The following ANKS1A variants were observed in gnomAD, a reference collection of about 807,000 sequenced individuals.
ANKS1A encodes the protein ankyrin repeat and sterile alpha motif domain containing 1A.
Under a neutral mutation model 120.3 loss-of-function variants are expected in ANKS1A, and 55 were observed. The observed-to-expected ratio is 0.46, with a 90% CI of 0.37 to 0.57. The LOEUF (loss-of-function observed/expected upper bound fraction) is 0.57, where lower values mean the gene tolerates loss of function less well. Among genes scored for constraint, ANKS1A ranks in the 20% least tolerant of loss-of-function variants. The pLI is 0.00. For synonymous variants in ANKS1A, 590 were observed against 604.7 expected (o/e 0.98, Z 0.36); for missense variants, 1,123 against 1,480.3 (o/e 0.76, Z 3.96).
intron 1 of ANKS1A, among the ~76,000 whole-genome samples, chr6:34,935,462 T>A (rs1290744536): frequency 6.6e-6 from 1 of 152,242 alleles, no homozygotes; most frequent in Non-Finnish European, 1.5e-5. Flanking sequence ...TAAAAATTGC[T>A]GATATGAGAT....
In ANKS1A at chr6:35,080,998, A is replaced by C. The variant is rs766044874; in HGVS notation, c.2549A>C (p.Gln850Pro). The change falls in exon 17 of 24, where the codon CAA becomes CCA. Residue 850 changes from glutamine to proline, a missense_variant. Coordinates refer to ENST00000360359, the MANE Select transcript of ANKS1A (RefSeq NM_015245.3). ...KPPRFSQLRC[Q>P]DLLSQTSSPL... ...CCTGGATTTTTCCCTCCACAGTGCC[A>C]AGATTTGCTCTCCCAGACGTCATCC... is the stretch of plus-strand genomic sequence containing the variant. 54 of 1,612,928 alleles carry C rather than the reference A, an allele frequency of 3.3e-5. 1 individual carries two copies. The highest frequency in any genetic ancestry group is 4.6e-5 in the Non-Finnish European group (54 of 1,179,218).
chr6:34,976,203 T>G (rs1173117704), intron 3 of ANKS1A, among the ~76,000 whole-genome samples: 1 of 152,020 alleles, frequency 6.6e-6, no homozygotes, highest in Non-Finnish European at 1.5e-5. Flanking sequence ...TTCAGTGGAT[T>G]TTTATAGATC....
At chr6:35,015,359 C>T (rs553110522) in intron 10 of ANKS1A, among the ~76,000 whole-genome samples, 56 of 152,208 alleles carry the variant, frequency 3.7e-4, no homozygotes, top group African/African-American at 1.2e-3. Context: ...ATTAGCTGGG[C>T]GTGGTGGCAC....
intron 7 of ANKS1A, among the ~76,000 whole-genome samples, 189 bp downstream of exon 7, chr6:34,983,614 G>T (rs771600897): frequency 6.6e-6 from 1 of 152,100 alleles, no homozygotes; most frequent in African/African-American, 2.4e-5. Flanking sequence ...GCTTTTGACT[G>T]TGGGCCTCTT....
intron 1 of ANKS1A, among the ~76,000 whole-genome samples, chr6:34,929,349 G>GA (rs2127472207): frequency 6.6e-6 from 1 of 152,260 alleles, no homozygotes; most frequent in Non-Finnish European, 1.5e-5. Context: ...ATAGACGAAT[G>GA]AATAAATGTA....
At position 34,980,251 on chromosome 6, in the gene ANKS1A, G is replaced by A. The variant is rs574413414; in HGVS notation, c.436-1439G>A. On this transcript the variant is annotated intron_variant, in intron 3 of 23. Coordinates refer to ENST00000360359, the MANE Select transcript of ANKS1A (RefSeq NM_015245.3). ...CTGACAGCTGCTCTCCTTGAGTTGTGTTTGAGCTCAGTGCAGCTTCCTCTG... is the reference window on the plus strand; with the variant it reads ...CTGACAGCTGCTCTCCTTGAGTTGTATTTGAGCTCAGTGCAGCTTCCTCTG... 4.6e-5 allele frequency among the ~76,000 whole-genome samples: 7 copies of A among 152,382 alleles called. No individual in the cohort carries two copies. The South Asian group carries it at 1.0e-3, about 23-fold the overall frequency.
rs1343484516 is a variant in ANKS1A, at chr6:34,917,019, A to C, written c.197+27420A>C. On this transcript the variant is annotated intron_variant, in intron 1 of 23. Transcript: ENST00000360359. ...GAGTAGAATGGCTGATATTTAAGGGAGGGCCTCTCCCCTTTATTTAGACAC... is the reference window on the plus strand; with the variant it reads ...GAGTAGAATGGCTGATATTTAAGGGCGGGCCTCTCCCCTTTATTTAGACAC... 2.6e-5 allele frequency among the ~76,000 whole-genome samples: 4 copies of C among 152,156 alleles called. No homozygotes were observed. In the East Asian group the frequency reaches 7.7e-4, roughly 29 times the overall value.
At chr6:34,949,241 A>G (rs1769948573) in intron 1 of ANKS1A, among the ~76,000 whole-genome samples, 1 of 152,214 alleles carries the variant, frequency 6.6e-6, no homozygotes, top group Non-Finnish European at 1.5e-5. Context: ...GATGGGGGAA[A>G]GCAGAGAGAA....
chr6:34,967,376 T>G, intron 2 of ANKS1A, 57 bp downstream of exon 2: 1 of 1,563,414 alleles, frequency 6.4e-7, no homozygotes, highest in Non-Finnish European at 8.7e-7. Flanking sequence ...GGCCTTCACG[T>G]TGCCTTTTCA....
At position 34,990,324 on chromosome 6, in the gene ANKS1A, T is replaced by C. The variant is rs182929336; in HGVS notation, c.1302+1008T>C. Among the ~76,000 whole-genome samples, 444 of 152,290 alleles carry C rather than the reference T, an allele frequency of 2.9e-3. 1 individual carries two copies. Among genetic ancestry groups the C allele is most frequent in the African/African-American group, 9.7e-3 (402 of 41,562 alleles). On this transcript the variant is annotated intron_variant, in intron 9 of 23. Coordinates refer to ENST00000360359, the MANE Select transcript of ANKS1A (RefSeq NM_015245.3). ...GGTACAAATTCTGTCCTTAATTCTT[T>C]CCTTTAGTTACAAAATGCTTATTAT...
chr6:34,989,090 AACCTTG>A, intron 8 of ANKS1A, 128 bp from the exon 9 acceptor site: 1 of 674,582 alleles, frequency 1.5e-6, no homozygotes, highest in Non-Finnish European at 2.5e-6. Flanking sequence ...TCAGAGACGA[AACCTTG>A]ACTTTAGTCT....
intron 1 of ANKS1A, among the ~76,000 whole-genome samples, chr6:34,893,044 C>T (rs557192119): frequency 6.6e-6 from 1 of 152,256 alleles, no homozygotes; most frequent in South Asian, 2.1e-4. Flanking sequence ...GTCAGACTTC[C>T]TGGATTCACA....
chr6:35,064,787 C>T (rs1470181107), intron 13 of ANKS1A, among the ~76,000 whole-genome samples: 3 of 152,188 alleles, frequency 2.0e-5, no homozygotes, highest in Non-Finnish European at 4.4e-5. Flanking sequence ...GCCCTCTCCC[C>T]AGCCCCCACC....
At chr6:34,892,877 AAAG>A (rs1766891340) in intron 1 of ANKS1A, among the ~76,000 whole-genome samples, 2 of 152,248 alleles carry the variant, frequency 1.3e-5, no homozygotes, top group Non-Finnish European at 2.9e-5. Context: ...GAAAGTCAGC[AAAG>A]AAGACTTCTA....
chr6:34,979,043 C>T (rs1004949281), intron 3 of ANKS1A, among the ~76,000 whole-genome samples: 1 of 151,668 alleles, frequency 6.6e-6, no homozygotes, highest in Non-Finnish European at 1.5e-5. Flanking sequence ...CTACAGGTGC[C>T]CGCCACCACG....
In ANKS1A at chr6:34,889,648, C is replaced by G. The variant is rs763330642; in HGVS notation, c.197+49C>G. 2.4e-6 allele frequency: 3 copies of G among 1,260,998 alleles called. No individual in the cohort carries two copies. The highest frequency in any genetic ancestry group is 3.3e-5 in the Admixed American group (1 of 30,522). 78.1% of individuals were successfully genotyped at this position (1,260,998 alleles called of 1,614,324 possible). A position where few individuals can be genotyped will look rare whatever the true frequency, so the allele number is the denominator to read the frequency against. On this transcript the variant is annotated intron_variant, in intron 1 of 23. Transcript: ENST00000360359. The surrounding 1 kb of genome is among the most constrained non-coding windows in gnomAD (Gnocchi z 5.5). The stretch of plus-strand genomic sequence containing the variant: ...CGCTGCCTGCAGACCCTTTCTCCCC[C>G]ACCCGTCTCTTGGGTCCCCAGAGAG...
At chr6:34,928,111 G>A (rs923682683) in intron 1 of ANKS1A, among the ~76,000 whole-genome samples, 35 of 152,188 alleles carry the variant, frequency 2.3e-4, no homozygotes, top group African/African-American at 8.2e-4. Flanking sequence ...GCTTTTCAGA[G>A]TGTCCAGTGG....
In ANKS1A at chr6:34,964,387, A is replaced by C. The variant is rs145722830; in HGVS notation, c.198-2852A>C. Among the ~76,000 whole-genome samples the C allele has an allele frequency of 2.4e-4, 36 of 152,268 alleles. No homozygotes were observed. The East Asian group carries it at 6.6e-3, about 28-fold the overall frequency. On this transcript the variant is annotated intron_variant, in intron 1 of 23. Transcript: ENST00000360359. Reference sequence around the variant, plus strand: ...TTCATCATCTGCAGTGCTCCCTAACACAGAGATTTTCTTCCCCAGAGGTGA... The same window carrying C: ...TTCATCATCTGCAGTGCTCCCTAACCCAGAGATTTTCTTCCCCAGAGGTGA...
intron 1 of ANKS1A, among the ~76,000 whole-genome samples, chr6:34,902,418 T>C (rs930044575): frequency 6.6e-6 from 1 of 152,004 alleles, no homozygotes; most frequent in African/African-American, 2.4e-5. Context: ...CCAGCTAGTT[T>C]TGTATTTTTA....
Sources: gnomAD v4.1 joint callset for allele counts (sites outside exome capture counted in the v4.1 genomes callset) on GRCh38, gnomAD v4.1.1 for gene constraint, Gnocchi (gnomAD v3.1) non-coding constraint, MANE v1.5 for transcripts, NCBI Gene and HGNC (gene_info 2026-07-23, HGNC 2026-07-21) for gene names.